Variants in LPAR1 observed in about 807,000 individuals in gnomAD.
LPAR1 encodes LPA receptor 1.
A neutral mutation model predicts 23.8 loss-of-function variants in LPAR1; 5 were observed. The ratio of observed to expected loss-of-function variants is 0.21; its 90% CI spans 0.11 to 0.44. The LOEUF is 0.44. LPAR1 is among the 20% of genes least tolerant of loss of function. LPAR1 has a pLI of 0.99. For synonymous variants in LPAR1, 160 were observed against 164.7 expected (o/e 0.97, Z 0.22); for missense variants, 311 against 482.8 (o/e 0.64, Z 3.33).
At chr9:110,963,920 T>G (rs908979289) in intron 4 of LPAR1, among the ~76,000 whole-genome samples, 6 of 152,208 alleles carry the variant, frequency 3.9e-5, no homozygotes, top group African/African-American at 1.4e-4. Context: ...TCCACCCGGG[T>G]CTACGCCCAT....
At chr9:110,945,559 A>G (rs1405708194) in intron 4 of LPAR1, among the ~76,000 whole-genome samples, 1 of 152,230 alleles carries the variant, frequency 6.6e-6, no homozygotes, top group Non-Finnish European at 1.5e-5. Flanking sequence ...ATCAGTAAAA[A>G]CATCACAAAA....
intron 4 of LPAR1, among the ~76,000 whole-genome samples, chr9:110,950,573 AAG>A (rs1166403288): frequency 1.3e-5 from 2 of 152,114 alleles, no homozygotes; most frequent in African/African-American, 4.8e-5. Flanking sequence ...AAACTGTATT[AAG>A]AGAGTTTAAC....
intron 5 of LPAR1, among the ~76,000 whole-genome samples, chr9:110,881,335 GATA>G (rs1021678615): frequency 6.6e-6 from 1 of 152,096 alleles, no homozygotes; most frequent in African/African-American, 2.4e-5. Flanking sequence ...TTTAGAGAAG[GATA>G]ATAACACCAT....
intron 2 of LPAR1, among the ~76,000 whole-genome samples, chr9:110,981,115 G>C (rs1470167871): frequency 6.6e-6 from 1 of 152,002 alleles, no homozygotes; most frequent in East Asian, 1.9e-4. Flanking sequence ...TTAATCAGAG[G>C]TACTTGATAT....
intron 5 of LPAR1, among the ~76,000 whole-genome samples, chr9:110,917,933 C>T (rs886789780): frequency 5.9e-5 from 9 of 152,100 alleles, no homozygotes; most frequent in Non-Finnish European, 1.2e-4. Context: ...GACTGGGTCT[C>T]GCTCTGCCAC....
At chr9:111,003,191 T>C (rs538665281) in intron 2 of LPAR1, among the ~76,000 whole-genome samples, 1 of 152,312 alleles carries the variant, frequency 6.6e-6, no homozygotes, top group African/African-American at 2.4e-5. Context: ...AATTGAATGT[T>C]CCTGCATAGC....
At chr9:110,877,883 G>C (rs570343248) in intron 5 of LPAR1, among the ~76,000 whole-genome samples, 1 of 152,162 alleles carries the variant, frequency 6.6e-6, no homozygotes, top group Non-Finnish European at 1.5e-5. Context: ...TTGCTCAAAA[G>C]TGAGAGAATT....
chr9:110,954,926 G>A (rs1028835197), intron 4 of LPAR1, among the ~76,000 whole-genome samples: 2 of 152,054 alleles, frequency 1.3e-5, no homozygotes, highest in African/African-American at 4.8e-5. Context: ...AAAACCCACT[G>A]GTAGAGCAAA....
At chr9:110,905,347 TTA>T (rs1412456013) in intron 5 of LPAR1, among the ~76,000 whole-genome samples, 6 of 124,956 alleles carry the variant, frequency 4.8e-5, no homozygotes, top group Admixed American at 1.4e-4. Context: ...CTTTTTTTTA[TTA>T]TTTTTTTTTT....
At chr9:111,026,869 G>A (rs2097701519) in intron 2 of LPAR1, among the ~76,000 whole-genome samples, 1 of 152,208 alleles carries the variant, frequency 6.6e-6, no homozygotes, top group African/African-American at 2.4e-5. Context: ...GCATCCCAGG[G>A]ATGAAGCCAA....
At chr9:110,959,871 CTTATA>C (rs1271831269) in intron 4 of LPAR1, among the ~76,000 whole-genome samples, 1 of 151,900 alleles carries the variant, frequency 6.6e-6, no homozygotes, top group Non-Finnish European at 1.5e-5. Flanking sequence ...GGGGGCAGTC[CTTATA>C]TTAAGCGAAA....
intron 4 of LPAR1, among the ~76,000 whole-genome samples, chr9:110,944,173 G>C (rs765210078): frequency 6.6e-6 from 1 of 152,154 alleles, no homozygotes; most frequent in Non-Finnish European, 1.5e-5. Flanking sequence ...AAGAACTTCT[G>C]ATTCAGTAGA....
chr9:110,962,193 T>C (rs1215933101), intron 4 of LPAR1, among the ~76,000 whole-genome samples: 2 of 152,078 alleles, frequency 1.3e-5, no homozygotes, highest in African/African-American at 4.8e-5. Context: ...GGGATCTACA[T>C]CTGACCATGA....
intron 2 of LPAR1, among the ~76,000 whole-genome samples, chr9:110,998,834 T>C (rs891100688): frequency 6.6e-6 from 1 of 152,198 alleles, no homozygotes; most frequent in Non-Finnish European, 1.5e-5. Flanking sequence ...ACCATAGCTC[T>C]ACCGGAAAGG....
At chr9:110,995,116 G>A (rs564956512) in intron 2 of LPAR1, among the ~76,000 whole-genome samples, 5 of 152,176 alleles carry the variant, frequency 3.3e-5, no homozygotes, top group Admixed American at 1.3e-4. Context: ...GAAATGTGAC[G>A]AGGTACCATG....
intron 2 of LPAR1, among the ~76,000 whole-genome samples, chr9:110,975,401 T>C (rs2096534360): frequency 6.6e-6 from 1 of 152,162 alleles, no homozygotes; most frequent in Admixed American, 6.6e-5. Flanking sequence ...CCCCAACAGT[T>C]TGAGGCAGAT....
chr9:110,894,046 T>A (rs1345130275), intron 5 of LPAR1, among the ~76,000 whole-genome samples: 1 of 152,208 alleles, frequency 6.6e-6, no homozygotes, highest in Non-Finnish European at 1.5e-5. Context: ...AAAATGTTTT[T>A]AAAATAATAA....
rs760775038 is a variant in LPAR1 at position 110,875,484 on chromosome 9, C to T, written c.1032G>A (p.Ser344=). 219 of 1,613,866 alleles carry T rather than the reference C, an allele frequency of 1.4e-4. No homozygotes were observed. Among genetic ancestry groups the T allele is most frequent in the Non-Finnish European group, 1.7e-4 (205 of 1,179,966 alleles). The part of the protein sequence containing the change: ...PTGPTEGSDR[S]ASSLNHTILA... The stretch of plus-strand genomic sequence containing the variant: ...AGATGGTGTGGTTGAGGGAGGAAGC[C>T]GAGCGGTCTGAGCCTTCTGTGGGGC... The change falls in exon 6 of 6, where the codon TCG becomes TCA. Residue 344 remains serine, a synonymous_variant. Coordinates refer to ENST00000683809, the MANE Select transcript of LPAR1 (RefSeq NM_001351411.2).
At chr9:110,928,761 G>A (rs574873201) in intron 5 of LPAR1, among the ~76,000 whole-genome samples, 13 of 152,250 alleles carry the variant, frequency 8.5e-5, no homozygotes, top group Admixed American at 8.5e-4. Context: ...TGCTTGGCAA[G>A]GTTAGCAAAC....
Sources: allele counts gnomAD v4.1 joint callset (sites outside exome capture counted in the v4.1 genomes callset), GRCh38; gene constraint gnomAD v4.1.1; transcripts MANE v1.5; gene names NCBI Gene and HGNC (gene_info 2026-07-23, HGNC 2026-07-21).